The following RAPGEF6 variants were observed in gnomAD, a reference collection of about 807,000 sequenced individuals.
RAPGEF6 encodes the protein Rap guanine nucleotide exchange factor 6.
Under a neutral mutation model 171.4 loss-of-function variants are expected in RAPGEF6, and 56 were observed. That is an observed-to-expected ratio of 0.33 (90% CI 0.26 to 0.41). The LOEUF is 0.41. Ranked by LOEUF, RAPGEF6 falls within the 10% of genes least tolerant of loss-of-function variation. The pLI is 1.00. For missense variants in RAPGEF6, 1,674 were observed against 1,921.4 expected, an observed-to-expected ratio of 0.87 and a Z score of 2.41; for synonymous variants, 692 against 650.1, an observed-to-expected ratio of 1.06 and a Z score of -0.98.
intron 21 of RAPGEF6, among the ~76,000 whole-genome samples, chr5:131,451,705 T>G (rs1014055391): frequency 6.6e-6 from 1 of 152,236 alleles, no homozygotes; most frequent in Admixed American, 6.5e-5. Context: ...AAATATTGTG[T>G]TGGTGTAAAA....
At chr5:131,592,698 A>G (rs1376872199) in intron 3 of RAPGEF6, among the ~76,000 whole-genome samples, 2 of 152,242 alleles carry the variant, frequency 1.3e-5, no homozygotes, top group African/African-American at 4.8e-5. Context: ...ACCAATACTT[A>G]AAGTGAATAA....
At chr5:131,623,754 G>A (rs559780254) in intron 1 of RAPGEF6, among the ~76,000 whole-genome samples, 1 of 152,042 alleles carries the variant, frequency 6.6e-6, no homozygotes, top group African/African-American at 2.4e-5. Flanking sequence ...CAAAGTGCTG[G>A]GATTACAGGC....
intron 7 of RAPGEF6, among the ~76,000 whole-genome samples, chr5:131,516,621 C>G (rs774176211): frequency 3.3e-5 from 5 of 152,022 alleles, no homozygotes; most frequent in Non-Finnish European, 5.9e-5. Flanking sequence ...AGACAACATG[C>G]TTTTGTTCAA....
At chr5:131,624,740 G>A (rs1580698053) in intron 1 of RAPGEF6, among the ~76,000 whole-genome samples, 1 of 152,170 alleles carries the variant, frequency 6.6e-6, no homozygotes, top group East Asian at 1.9e-4. Context: ...AGACTGAGAA[G>A]GAAAAAGGGG....
chr5:131,615,577 T>G (rs1334027489), intron 1 of RAPGEF6, among the ~76,000 whole-genome samples: 1 of 152,178 alleles, frequency 6.6e-6, no homozygotes, highest in Non-Finnish European at 1.5e-5. Flanking sequence ...TTACGCTGAA[T>G]GCACTTGAAA....
At chr5:131,619,384 G>A (rs1053123349) in intron 1 of RAPGEF6, among the ~76,000 whole-genome samples, 5 of 151,958 alleles carry the variant, frequency 3.3e-5, no homozygotes, top group African/African-American at 7.3e-5. Context: ...CAGGTTGATG[G>A]GTACGGCAAA....
chr5:131,604,607 A>G lies in RAPGEF6; in HGVS notation c.140+16T>C. ...GGCTATACAGCGTGTGCTCTTAAAT[A>G]CAGAACGACACTTACCTAAGCTGAT... On this transcript the variant is annotated intron_variant, in intron 2 of 27. Transcript: ENST00000509018. 1.9e-6 allele frequency: 3 copies of G among 1,609,086 alleles called. No homozygotes were observed. Among genetic ancestry groups the G allele is most frequent in the Non-Finnish European group, 2.5e-6 (3 of 1,178,278 alleles).
At chr5:131,433,249 A>G (rs980996642) in intron 25 of RAPGEF6, among the ~76,000 whole-genome samples, 181 bp downstream of exon 25, 1 of 152,194 alleles carries the variant, frequency 6.6e-6, no homozygotes, top group Non-Finnish European at 1.5e-5. Flanking sequence ...ACACCCATAC[A>G]TCTTTCAACA....
rs146870386 is a variant in RAPGEF6 at position 131,609,141 on chromosome 5, A to C, written c.70-4448T>G. Among the ~76,000 whole-genome samples, 55 of 152,216 alleles carry C rather than the reference A, an allele frequency of 3.6e-4. No individual in the cohort carries two copies. The East Asian group carries it at 0.01, about 28-fold the overall frequency. ...CCCTTTCACTTTTTGCCATGAGTAG[A>C]AGCAGTCTGAGGCCCTCATTGGATG... On this transcript the variant is annotated intron_variant, in intron 1 of 27. Transcript: ENST00000509018.
intron 13 of RAPGEF6, among the ~76,000 whole-genome samples, chr5:131,494,781 A>AATGAAATAG (rs1756517059): frequency 1.2e-4 from 1 of 8,636 alleles, no homozygotes; most frequent in Admixed American, 9.6e-4. Flanking sequence ...GATCAGATAT[A>AATGAAATAG]TTAAGTCCTA....
chr5:131,563,853 A>C (rs1761760035), intron 4 of RAPGEF6, among the ~76,000 whole-genome samples: 1 of 152,088 alleles, frequency 6.6e-6, no homozygotes, highest in Non-Finnish European at 1.5e-5. Context: ...GTTTCCCCCA[A>C]ATTCTTGTAT....
At chr5:131,440,400 C>T (rs1302777614) in intron 23 of RAPGEF6, among the ~76,000 whole-genome samples, 1 of 152,108 alleles carries the variant, frequency 6.6e-6, no homozygotes, top group Non-Finnish European at 1.5e-5. Context: ...TTACATTCAT[C>T]TTCTCTAAGA....
intron 1 of RAPGEF6, among the ~76,000 whole-genome samples, chr5:131,614,647 T>G (rs946577398): frequency 1.3e-5 from 2 of 152,158 alleles, no homozygotes; most frequent in Non-Finnish European, 2.9e-5. Context: ...CAACGTGAGA[T>G]TTGGGTGGGG....
In RAPGEF6 at chr5:131,474,485, C is replaced by A. The variant is rs146472680; in HGVS notation, c.2082-1741G>T. ...AAAAATAAAATGAGAATTGTACAAA[C>A]ACAGAAGGGAGAATTATTTATTTTA... is the stretch of plus-strand genomic sequence containing the variant. On this transcript the variant is annotated intron_variant, in intron 16 of 27. Coordinates refer to ENST00000509018, the MANE Select transcript of RAPGEF6 (RefSeq NM_016340.6). 2.5e-3 allele frequency among the ~76,000 whole-genome samples: 384 copies of A among 152,036 alleles called. 1 individual carries two copies. The highest frequency in any genetic ancestry group is 8.9e-3 in the African/African-American group (367 of 41,446).
At chr5:131,496,189 C>A (rs1203711032) in intron 12 of RAPGEF6, among the ~76,000 whole-genome samples, 1 of 151,984 alleles carries the variant, frequency 6.6e-6, no homozygotes, top group African/African-American at 2.4e-5. Flanking sequence ...AATTAAAAAA[C>A]AAAACAAAAA....
At chr5:131,509,325 C>T (rs1389445532) in intron 8 of RAPGEF6, among the ~76,000 whole-genome samples, 2 of 152,086 alleles carry the variant, frequency 1.3e-5, no homozygotes, top group Non-Finnish European at 2.9e-5. Context: ...GGGCGGATCA[C>T]AAGGTCAGGA....
At chr5:131,485,216 C>T (rs1755804304) in intron 15 of RAPGEF6, among the ~76,000 whole-genome samples, 1 of 152,166 alleles carries the variant, frequency 6.6e-6, no homozygotes, top group Non-Finnish European at 1.5e-5. Flanking sequence ...CATGAGCCAC[C>T]ATGCTTGGCT....
At chr5:131,522,275 A>G (rs572828489) in intron 6 of RAPGEF6, among the ~76,000 whole-genome samples, 1 of 152,342 alleles carries the variant, frequency 6.6e-6, no homozygotes, top group South Asian at 2.1e-4. Flanking sequence ...GACATCTCAC[A>G]AAATACAAGC....
intron 6 of RAPGEF6, among the ~76,000 whole-genome samples, chr5:131,528,190 A>G (rs1759058763): frequency 7.9e-6 from 1 of 127,274 alleles, no homozygotes; most frequent in African/African-American, 3.0e-5. Context: ...ATATTATATT[A>G]TAATTATATA....
Sources: allele counts gnomAD v4.1 joint callset (sites outside exome capture counted in the v4.1 genomes callset), GRCh38; gene constraint gnomAD v4.1.1; transcripts MANE v1.5; gene names NCBI Gene and HGNC (gene_info 2026-07-23, HGNC 2026-07-21).